Variants in BBS9 observed in about 807,000 individuals in gnomAD.
BBS9 encodes the protein Bardet-Biedl syndrome 9, also known as protein PTHB1.
Under a neutral mutation model 117.7 loss-of-function variants are expected in BBS9, and 89 were observed. The observed-to-expected ratio is 0.76, with a 90% confidence interval of 0.64 to 0.90. BBS9 has a LOEUF of 0.90. Ranked by LOEUF, BBS9 falls within the 40% of genes least tolerant of loss-of-function variation. The pLI is 0.00. For missense variants in BBS9, 982 were observed against 1,042.2 expected (o/e 0.94, Z 0.80); for synonymous variants, 379 against 370.9 (o/e 1.02, Z -0.25).
chr7:33,521,867 G>C (rs536108377), intron 20 of BBS9, among the ~76,000 whole-genome samples: 6 of 149,742 alleles, frequency 4.0e-5, no homozygotes, highest in African/African-American at 1.5e-4. Context: ...TCTAGCATTA[G>C]GTATATCTCC....
chr7:33,424,363 T>C (rs1169000039), intron 19 of BBS9, among the ~76,000 whole-genome samples: 1 of 152,196 alleles, frequency 6.6e-6, no homozygotes, highest in Admixed American at 6.5e-5. Context: ...TTAGTAGTTC[T>C]GAAATTTGCT....
chr7:33,431,149 C>T (rs1329690424), intron 19 of BBS9, among the ~76,000 whole-genome samples: 2 of 150,520 alleles, frequency 1.3e-5, no homozygotes, highest in African/African-American at 4.9e-5. Context: ...GAGCCAAGAT[C>T]ATGCCACTGC....
chr7:33,202,596 G>A (rs1786079842), intron 5 of BBS9, among the ~76,000 whole-genome samples: 1 of 152,170 alleles, frequency 6.6e-6, no homozygotes, highest in African/African-American at 2.4e-5. Flanking sequence ...TGAGGGTGAA[G>A]GGGAAGCAGG....
intron 5 of BBS9, among the ~76,000 whole-genome samples, chr7:33,205,429 G>T (rs1583617391): frequency 6.6e-6 from 1 of 152,132 alleles, no homozygotes; most frequent in Non-Finnish European, 1.5e-5. Flanking sequence ...TAAATCCCAG[G>T]TCATCTTCCA....
intron 21 of BBS9, among the ~76,000 whole-genome samples, chr7:33,623,391 G>C (rs968415713): frequency 6.6e-6 from 1 of 152,232 alleles, no homozygotes; most frequent in African/African-American, 2.4e-5. Flanking sequence ...ATACCAGTTG[G>C]AAAGGACATA....
chr7:33,600,365 A>G lies in BBS9; in HGVS notation c.2522-4500A>G, dbSNP rs373638771. On this transcript the variant is annotated intron_variant, in intron 21 of 22. Transcript: ENST00000242067. ...CATTTCTGTTGCCTTTTACAAAAGT[A>G]TTGGTTTAGATAGATTGGAAATTTG... is the stretch of plus-strand genomic sequence containing the variant. Among the ~76,000 whole-genome samples the G allele has an allele frequency of 4.7e-5, 7 of 150,022 alleles. No homozygotes were observed. In the South Asian group the frequency reaches 8.4e-4, roughly 18 times the overall value.
At chr7:33,246,339 G>A (rs1184500833) in intron 5 of BBS9, among the ~76,000 whole-genome samples, 1 of 151,272 alleles carries the variant, frequency 6.6e-6, no homozygotes, top group African/African-American at 2.4e-5. Context: ...GTCACAGTGA[G>A]TTCAGTGTAA....
At chr7:33,568,546 CAT>C (rs1428832085) in intron 21 of BBS9, among the ~76,000 whole-genome samples, 1 of 152,164 alleles carries the variant, frequency 6.6e-6, no homozygotes, top group Non-Finnish European at 1.5e-5. Context: ...GTTCCTGGAA[CAT>C]AGTGGATACT....
intron 5 of BBS9, among the ~76,000 whole-genome samples, chr7:33,253,678 T>A (rs574206326): frequency 1.3e-5 from 2 of 152,184 alleles, no homozygotes; most frequent in Non-Finnish European, 2.9e-5. Flanking sequence ...AGTCTAGGGC[T>A]GATAGAGAGG....
chr7:33,437,758 C>G (rs1835517692), intron 19 of BBS9, among the ~76,000 whole-genome samples: 1 of 152,060 alleles, frequency 6.6e-6, no homozygotes, highest in Non-Finnish European at 1.5e-5. Flanking sequence ...TACCTGTAAT[C>G]CCAGCTACTC....
intron 21 of BBS9, among the ~76,000 whole-genome samples, chr7:33,592,136 T>C (rs1331598119): frequency 1.3e-5 from 2 of 152,070 alleles, no homozygotes; most frequent in Non-Finnish European, 2.9e-5. Context: ...ATATATAAAT[T>C]TATGCTGTAT....
At chr7:33,378,369 A>G (rs748790934) in intron 17 of BBS9, among the ~76,000 whole-genome samples, 2 of 152,178 alleles carry the variant, frequency 1.3e-5, no homozygotes, top group Non-Finnish European at 2.9e-5. Flanking sequence ...TCTTATTTAA[A>G]CTATAAACAA....
intron 9 of BBS9, among the ~76,000 whole-genome samples, chr7:33,332,483 C>A (rs1208099386): frequency 1.3e-5 from 2 of 152,150 alleles, no homozygotes; most frequent in African/African-American, 2.4e-5. Flanking sequence ...TCGAGACCAG[C>A]CTGGCCAAAA....
intron 19 of BBS9, among the ~76,000 whole-genome samples, chr7:33,496,161 G>A (rs553542126): frequency 5.7e-4 from 86 of 152,198 alleles, no homozygotes; most frequent in Non-Finnish European, 1.1e-3. Flanking sequence ...TACTGACTGG[G>A]TACACTTTTG....
At chr7:33,277,111 TG>T in intron 9 of BBS9, 1 of 203,030 alleles carries the variant, frequency 4.9e-6, no homozygotes, top group Admixed American at 5.1e-5. Context: ...ACTGTGGCTC[TG>T]GGATTAGTGT....
At chr7:33,170,860 C>T (rs1348249227) in intron 4 of BBS9, among the ~76,000 whole-genome samples, 1 of 151,956 alleles carries the variant, frequency 6.6e-6, no homozygotes, top group Non-Finnish European at 1.5e-5. Context: ...ACAATTGCTT[C>T]AAAGAGATTA....
chr7:33,546,672 A>T (rs574392880), intron 21 of BBS9, among the ~76,000 whole-genome samples: 1 of 152,170 alleles, frequency 6.6e-6, no homozygotes, highest in Non-Finnish European at 1.5e-5. Flanking sequence ...TCAAGTTTCT[A>T]TGCTTTTAAA....
intron 12 of BBS9, among the ~76,000 whole-genome samples, chr7:33,347,565 T>C (rs1817830356): frequency 1.3e-5 from 2 of 152,030 alleles, no homozygotes; most frequent in African/African-American, 4.8e-5. Context: ...CATATTTAAT[T>C]GCATCGATAG....
intron 17 of BBS9, among the ~76,000 whole-genome samples, chr7:33,374,861 A>G (rs995917025): frequency 7.1e-6 from 1 of 141,254 alleles, no homozygotes; most frequent in Non-Finnish European, 1.5e-5. Context: ...AGGTCATGCC[A>G]TTGCACTCCA....
Sources: gnomAD v4.1 joint callset for allele counts (sites outside exome capture counted in the v4.1 genomes callset) on GRCh38, gnomAD v4.1.1 for gene constraint, MANE v1.5 for transcripts, NCBI Gene and HGNC (gene_info 2026-07-23, HGNC 2026-07-21) for gene names.